Variants in AFG2A observed in about 807,000 individuals in gnomAD.
AFG2A encodes the protein AAA ATPase AFG2A, also known as ATPase family gene 2 protein homolog A.
At chr4:123,258,955 C>CTCCCGGGTTCAAGCAAT in the AFG2A span, among the ~76,000 whole-genome samples, 14 of 151,200 alleles carry the variant, frequency 9.3e-5, 1 homozygote, top group African/African-American at 3.4e-4. Flanking sequence ...CAACCTCCGC[C>CTCCCGGGTTCAAGCAAT]TCCCGGGTTC....
chr4:123,012,167 T>TAA, the AFG2A span, among the ~76,000 whole-genome samples: 1 of 72,680 alleles, frequency 1.4e-5, no homozygotes. Context: ...GGAGAAGGGG[T>TAA]GGGTAGAGAC....
At chr4:123,117,899 C>T in the AFG2A span, among the ~76,000 whole-genome samples, 7,473 of 151,276 alleles carry the variant, frequency 0.049, 584 homozygotes, top group African/African-American at 0.17. Flanking sequence ...GGCTACGCAA[C>T]TAATATAGAG....
At chr4:122,991,219 T>G in the AFG2A span, among the ~76,000 whole-genome samples, 2 of 152,242 alleles carry the variant, frequency 1.3e-5, no homozygotes, top group African/African-American at 4.8e-5. Context: ...TTTTGCAGGC[T>G]TTAAGTCTGT....
At chr4:123,166,857 G>C in the AFG2A span, among the ~76,000 whole-genome samples, 19 of 152,098 alleles carry the variant, frequency 1.2e-4, no homozygotes, top group Non-Finnish European at 1.9e-4. Context: ...ATTAATCTTG[G>C]ATTATAACGT....
At chr4:123,023,717 A>C in the AFG2A span, among the ~76,000 whole-genome samples, 2 of 152,092 alleles carry the variant, frequency 1.3e-5, no homozygotes, top group Non-Finnish European at 2.9e-5. Flanking sequence ...GGCCACACAT[A>C]AAATATACTA....
At chr4:123,069,750 A>G in the AFG2A span, among the ~76,000 whole-genome samples, 1 of 152,234 alleles carries the variant, frequency 6.6e-6, no homozygotes, top group Non-Finnish European at 1.5e-5. Flanking sequence ...TGTAAAATAA[A>G]TAACTACTTG....
the AFG2A span, among the ~76,000 whole-genome samples, chr4:122,998,380 A>T: frequency 6.6e-6 from 1 of 152,072 alleles, no homozygotes; most frequent in African/African-American, 2.4e-5. Flanking sequence ...TTAAATATGT[A>T]TACATGTGCC....
the AFG2A span, among the ~76,000 whole-genome samples, chr4:123,061,113 G>A: frequency 2.6e-5 from 4 of 152,112 alleles, no homozygotes; most frequent in African/African-American, 4.8e-5. Flanking sequence ...CACTTAACAC[G>A]TCTCTAGGAA....
At chr4:123,278,273 G>C in the AFG2A span, among the ~76,000 whole-genome samples, 1 of 152,200 alleles carries the variant, frequency 6.6e-6, no homozygotes, top group South Asian at 2.1e-4. Context: ...TACTCTCTGA[G>C]AGCTTTTTTT....
chr4:123,187,979 CAG>C, the AFG2A span, among the ~76,000 whole-genome samples: 1 of 141,370 alleles, frequency 7.1e-6, no homozygotes, highest in Admixed American at 7.3e-5. Context: ...GCCTAGGTGA[CAG>C]AGTGAGGCCC....
the AFG2A span, among the ~76,000 whole-genome samples, chr4:123,221,956 A>C: frequency 6.6e-6 from 1 of 152,110 alleles, no homozygotes; most frequent in Admixed American, 6.6e-5. Context: ...TTATATTTGT[A>C]GCTCATACTA....
chr4:123,100,795 A>C, the AFG2A span, among the ~76,000 whole-genome samples: 6 of 152,048 alleles, frequency 3.9e-5, no homozygotes, highest in South Asian at 1.0e-3. Flanking sequence ...AGTTAATTTG[A>C]TTTAAGTTTC....
the AFG2A span, among the ~76,000 whole-genome samples, chr4:122,962,142 G>A: frequency 1.3e-5 from 2 of 152,208 alleles, no homozygotes; most frequent in African/African-American, 4.8e-5. Flanking sequence ...TGCTACTGCT[G>A]ACCTGATAGG....
At chr4:123,017,558 T>C in the AFG2A span, among the ~76,000 whole-genome samples, 1 of 151,944 alleles carries the variant, frequency 6.6e-6, no homozygotes, top group African/African-American at 2.4e-5. Context: ...TAAAGAAGCA[T>C]TTGGAAATTT....
the AFG2A span, among the ~76,000 whole-genome samples, chr4:122,935,145 G>A: frequency 6.6e-6 from 1 of 152,070 alleles, no homozygotes; most frequent in Non-Finnish European, 1.5e-5. Context: ...GCTTGACTCA[G>A]GAAACTCAGG....
At chr4:122,992,246 A>G in the AFG2A span, among the ~76,000 whole-genome samples, 10 of 152,326 alleles carry the variant, frequency 6.6e-5, no homozygotes, top group African/African-American at 2.4e-4. Flanking sequence ...ATTTTCCTGT[A>G]ATACAGTATT....
At chr4:123,227,633 A>G in the AFG2A span, among the ~76,000 whole-genome samples, 4 of 152,264 alleles carry the variant, frequency 2.6e-5, no homozygotes, top group South Asian at 2.1e-4. Flanking sequence ...ACTTCCAACT[A>G]TGTGGTCAAT....
chr4:122,943,763 G>C, the AFG2A span, among the ~76,000 whole-genome samples: 1 of 152,180 alleles, frequency 6.6e-6, no homozygotes, highest in African/African-American at 2.4e-5. Flanking sequence ...TGATTTTGCA[G>C]CAGCTGGTAC....
At chr4:123,203,414 C>CT in the AFG2A span, among the ~76,000 whole-genome samples, 1 of 152,192 alleles carries the variant, frequency 6.6e-6, no homozygotes, top group African/African-American at 2.4e-5. Context: ...CCTCCGCCTC[C>CT]TGGGTTCAAG....
Sources: gnomAD v4.1 joint callset for allele counts (sites outside exome capture counted in the v4.1 genomes callset) on GRCh38, gnomAD v4.1.1 for gene constraint, MANE v1.5 for transcripts, NCBI Gene and HGNC (gene_info 2026-07-23, HGNC 2026-07-21) for gene names.